CTTNBP2NL: variants seen among roughly 807,000 people sequenced by gnomAD.
The protein encoded by CTTNBP2NL is CTTNBP2 N-terminal like.
In CTTNBP2NL, 16 loss-of-function variants were observed where a neutral mutation model predicts 32.5. That is an observed-to-expected ratio of 0.49 (90% CI 0.33 to 0.75). CTTNBP2NL has a LOEUF of 0.75. CTTNBP2NL is among the 30% of genes least tolerant of loss of function. CTTNBP2NL has a pLI of 0.02. For missense variants in CTTNBP2NL, 645 were observed against 756.0 expected (o/e 0.85, Z 1.72); for synonymous variants, 298 against 289.4 (o/e 1.03, Z -0.30).
intron 1 of CTTNBP2NL, among the ~76,000 whole-genome samples, chr1:112,402,775 T>G (rs1648544711): frequency 6.6e-6 from 1 of 152,190 alleles, no homozygotes; most frequent in Admixed American, 6.5e-5. Flanking sequence ...GTCCTTAAAT[T>G]GAGGGCACAG....
chr1:112,403,525 T>C (rs116010735), intron 1 of CTTNBP2NL, among the ~76,000 whole-genome samples: 2,596 of 152,304 alleles, frequency 0.017, 87 homozygotes, highest in African/African-American at 0.06. Context: ...ATTGATGTAA[T>C]AGAATGTGAT....
chr1:112,413,558 G>A (rs981903932), intron 2 of CTTNBP2NL, among the ~76,000 whole-genome samples: 7 of 152,174 alleles, frequency 4.6e-5, no homozygotes, highest in Non-Finnish European at 1.0e-4. Context: ...CTAGGAAGAT[G>A]CAGATGTGGC....
intron 2 of CTTNBP2NL, among the ~76,000 whole-genome samples, chr1:112,415,486 T>C (rs1649025918): frequency 6.6e-6 from 1 of 152,164 alleles, no homozygotes; most frequent in Admixed American, 6.5e-5. Context: ...CTATCAATTT[T>C]TCAGAGAAAT....
intron 3 of CTTNBP2NL, among the ~76,000 whole-genome samples, chr1:112,421,629 AAAG>A: frequency 6.6e-6 from 1 of 151,850 alleles, no homozygotes; most frequent in Non-Finnish European, 1.5e-5. Flanking sequence ...AAAAAAAAAA[AAAG>A]GAGAAGAAGA....
chr1:112,440,171 G>A (rs1371970879), intron 3 of CTTNBP2NL, among the ~76,000 whole-genome samples: 1 of 152,148 alleles, frequency 6.6e-6, no homozygotes, highest in Non-Finnish European at 1.5e-5. Flanking sequence ...CACAAGTCCA[G>A]AAAACTTTCC....
intron 2 of CTTNBP2NL, among the ~76,000 whole-genome samples, chr1:112,414,048 CA>C (rs1386239630): frequency 6.8e-6 from 1 of 148,070 alleles, no homozygotes; most frequent in Non-Finnish European, 1.5e-5. Flanking sequence ...AACTCTGTCT[CA>C]AAAAAATAAA....
At chr1:112,422,340 A>T (rs1649256578) in intron 3 of CTTNBP2NL, among the ~76,000 whole-genome samples, 1 of 152,116 alleles carries the variant, frequency 6.6e-6, no homozygotes, top group African/African-American at 2.4e-5. Context: ...TTGTTACTTA[A>T]TAGTGTTGGC....
rs1247560178 is a variant in CTTNBP2NL, at chr1:112,429,107, T to C, written c.99+12843T>C. 4.6e-5 allele frequency among the ~76,000 whole-genome samples: 7 copies of C among 152,348 alleles called. 1 individual carries two copies. Among genetic ancestry groups the C allele is most frequent in the Non-Finnish European group, 8.8e-5 (6 of 68,028 alleles). ...TTTCAGAGTGTTTCTATGTGTGATA[T>C]GTTGTTGAATTCTCTGTACCCTTGT... is the stretch of plus-strand genomic sequence containing the variant. On this transcript the variant is annotated intron_variant, in intron 3 of 5. Coordinates refer to ENST00000271277, the MANE Select transcript of CTTNBP2NL (RefSeq NM_018704.3).
At chr1:112,430,666 G>A (rs569186248) in intron 3 of CTTNBP2NL, among the ~76,000 whole-genome samples, 7 of 147,894 alleles carry the variant, frequency 4.7e-5, no homozygotes, top group Admixed American at 6.9e-5. Flanking sequence ...TGATTCTCCC[G>A]CCTCAGCCTC....
chr1:112,447,446 A>G (rs1650084989), intron 3 of CTTNBP2NL, among the ~76,000 whole-genome samples: 1 of 152,190 alleles, frequency 6.6e-6, no homozygotes, highest in Admixed American at 6.5e-5. Flanking sequence ...TACAAATAAC[A>G]TCCAAATACT....
chr1:112,456,941 A>C lies in CTTNBP2NL; in HGVS notation c.1449A>C (p.Pro483=), dbSNP rs1650386196. 6.2e-7 allele frequency: 1 copy of C among 1,613,938 alleles called. No individual in the cohort carries two copies. The highest frequency in any genetic ancestry group is 1.7e-5 in the Admixed American group (1 of 59,986). Residue 483 remains proline (P), a synonymous_variant, in exon 6 of 6, where the codon CCA becomes CCC. Transcript: ENST00000271277. ...AAGCCAGTGGCCTACAGAGCCCTCC[A>C]TCCAGGGATTTATCCCCCACCCTCA... The part of the protein sequence containing the change: ...DQQASGLQSP[P]SRDLSPTLID...
chr1:112,446,215 A>AG (rs1557896199), intron 3 of CTTNBP2NL, among the ~76,000 whole-genome samples: 1 of 150,364 alleles, frequency 6.7e-6, no homozygotes. Context: ...AAAAAAAACA[A>AG]CATAGCTGGG....
At chr1:112,419,005 TA>T (rs1278447183) in intron 3 of CTTNBP2NL, among the ~76,000 whole-genome samples, 1 of 152,198 alleles carries the variant, frequency 6.6e-6, no homozygotes, top group Non-Finnish European at 1.5e-5. Flanking sequence ...TGCTTTATTT[TA>T]AAGCATTCTT....
At chr1:112,402,374 C>T (rs998305271) in intron 1 of CTTNBP2NL, among the ~76,000 whole-genome samples, 2 of 152,094 alleles carry the variant, frequency 1.3e-5, no homozygotes, top group Non-Finnish European at 2.9e-5. Context: ...GCCAAGATCG[C>T]GCCATTGCAC....
At chr1:112,403,330 A>G (rs1003552292) in intron 1 of CTTNBP2NL, among the ~76,000 whole-genome samples, 1 of 152,202 alleles carries the variant, frequency 6.6e-6, no homozygotes, top group Non-Finnish European at 1.5e-5. Context: ...CCCATTTTCT[A>G]AAAGGTAAAG....
chr1:112,420,656 A>G (rs1570725004), intron 3 of CTTNBP2NL, among the ~76,000 whole-genome samples: 1 of 151,762 alleles, frequency 6.6e-6, no homozygotes, highest in Non-Finnish European at 1.5e-5. Flanking sequence ...TTTTGTAGAG[A>G]CAGGGTTTTG....
At chr1:112,392,477 G>C (rs1648210245), upstream of CTTNBP2NL, among the ~76,000 whole-genome samples, 1 of 152,184 alleles carries the variant, frequency 6.6e-6, no homozygotes, top group African/African-American at 2.4e-5. Context: ...GGAGTTAAGT[G>C]AGAAGGTTAC....
chr1:112,416,550 T>A (rs1175624), intron 3 of CTTNBP2NL, among the ~76,000 whole-genome samples: 3,720 of 150,974 alleles, frequency 0.025, 122 homozygotes, highest in African/African-American at 0.081. Context: ...CAGGCTGGAG[T>A]GCAGTGGCGC....
chr1:112,430,743 A>G (rs1649547553), intron 3 of CTTNBP2NL, among the ~76,000 whole-genome samples: 2 of 150,640 alleles, frequency 1.3e-5, no homozygotes, highest in Admixed American at 1.3e-4. Flanking sequence ...TTTAGTAGAG[A>G]CTAAAATACA....
Sources: allele counts gnomAD v4.1 joint callset (sites outside exome capture counted in the v4.1 genomes callset), GRCh38; gene constraint gnomAD v4.1.1; transcripts MANE v1.5; gene names NCBI Gene and HGNC (gene_info 2026-07-23, HGNC 2026-07-21).